The following ERBB4 variants were observed in gnomAD, a reference collection of about 807,000 sequenced individuals.
ERBB4 encodes the protein erb-b2 receptor tyrosine kinase 4, also known as receptor tyrosine-protein kinase erbB-4.
Under a neutral mutation model 158.0 loss-of-function variants are expected in ERBB4, and 42 were observed. The ratio of observed to expected loss-of-function variants is 0.27; its 90% confidence interval spans 0.21 to 0.34. The LOEUF is 0.34. ERBB4 is among the 10% of genes least tolerant of loss of function. The probability of loss-of-function intolerance (pLI) is 1.00; values close to 1 mark genes in which losing one functional copy is unlikely to be tolerated. For synonymous variants in ERBB4, 583 were observed against 558.7 expected, an observed-to-expected ratio of 1.04 and a Z score of -0.61; for missense variants, 1,333 against 1,624.1, an observed-to-expected ratio of 0.82 and a Z score of 3.08.
At chr2:211,439,943 A>C (rs2125450571) in intron 20 of ERBB4, among the ~76,000 whole-genome samples, 1 of 152,276 alleles carries the variant, frequency 6.6e-6, no homozygotes, top group East Asian at 1.9e-4. Flanking sequence ...CTTGCTCCTT[A>C]CATTTTCTTC....
chr2:212,365,070 CATTTA>C (rs959157445), intron 1 of ERBB4, among the ~76,000 whole-genome samples: 16 of 151,236 alleles, frequency 1.1e-4, no homozygotes, highest in African/African-American at 3.9e-4. Context: ...AATTTCTGGT[CATTTA>C]ATTTTTGAAA....
In ERBB4 at chr2:212,508,861, T is replaced by C. The variant is rs376629023; in HGVS notation, c.82+29588A>G. 1.4e-4 allele frequency among the ~76,000 whole-genome samples: 22 copies of C among 152,268 alleles called. No homozygotes were observed. In the East Asian group the frequency reaches 3.5e-3, roughly 24 times the overall value. ...TGACATTTTTCCACTATTGCTTTTATTGCATCTCCAAATTTCTTTGTCATT... is the reference window on the plus strand; with the variant it reads ...TGACATTTTTCCACTATTGCTTTTACTGCATCTCCAAATTTCTTTGTCATT... On this transcript the variant is annotated intron_variant, in intron 1 of 27. Transcript: ENST00000342788.
At chr2:211,879,652 A>T (rs2106144542) in intron 3 of ERBB4, among the ~76,000 whole-genome samples, 1 of 152,288 alleles carries the variant, frequency 6.6e-6, no homozygotes, top group Admixed American at 6.5e-5. Context: ...TTTAAGATTT[A>T]GCCTAATTAA....
intron 19 of ERBB4, among the ~76,000 whole-genome samples, chr2:211,566,862 T>C (rs2067565305): frequency 6.6e-6 from 1 of 152,182 alleles, no homozygotes; most frequent in East Asian, 1.9e-4. Flanking sequence ...TTTGTGTATA[T>C]GAAAGTCACC....
chr2:211,790,979 T>C (rs2076267831), intron 3 of ERBB4, among the ~76,000 whole-genome samples: 1 of 151,940 alleles, frequency 6.6e-6, no homozygotes, highest in African/African-American at 2.4e-5. Context: ...TAATGGCATT[T>C]ACATATATTC....
intron 3 of ERBB4, among the ~76,000 whole-genome samples, chr2:211,920,129 C>G (rs893243549): frequency 3.3e-5 from 5 of 152,054 alleles, no homozygotes; most frequent in African/African-American, 1.2e-4. Context: ...GACATAAGCA[C>G]TGTCATGAAA....
chr2:211,561,206 T>C (rs1332344251), intron 20 of ERBB4, among the ~76,000 whole-genome samples: 3 of 152,218 alleles, frequency 2.0e-5, no homozygotes, highest in Non-Finnish European at 4.4e-5. Flanking sequence ...GTTTCAAAAA[T>C]TGACTTAAGA....
At chr2:211,930,429 A>G (rs1169180988) in intron 3 of ERBB4, among the ~76,000 whole-genome samples, 1 of 152,210 alleles carries the variant, frequency 6.6e-6, no homozygotes, top group Non-Finnish European at 1.5e-5. Flanking sequence ...AATGCTACTA[A>G]GATACCTTTC....
chr2:212,527,270 A>C (rs2106331462), intron 1 of ERBB4, among the ~76,000 whole-genome samples: 1 of 152,230 alleles, frequency 6.6e-6, no homozygotes, highest in South Asian at 2.1e-4. Flanking sequence ...TATATAGTAC[A>C]TTATTTCATC....
At chr2:211,408,728 T>C (rs2125372125) in intron 25 of ERBB4, among the ~76,000 whole-genome samples, 1 of 152,326 alleles carries the variant, frequency 6.6e-6, no homozygotes, top group East Asian at 1.9e-4. Flanking sequence ...CTGACACTCG[T>C]CTGGTATTTG....
intron 18 of ERBB4, among the ~76,000 whole-genome samples, chr2:211,621,330 A>T (rs2069594305): frequency 6.6e-6 from 1 of 152,084 alleles, no homozygotes; most frequent in South Asian, 2.1e-4. Flanking sequence ...GAATATTTCT[A>T]ATTAGGAGAA....
intron 22 of ERBB4, 66 bp downstream of exon 22, chr2:211,428,342 T>C: frequency 1.1e-6 from 1 of 891,220 alleles, no homozygotes; most frequent in Non-Finnish European, 1.9e-6. Flanking sequence ...CTTAAGATAT[T>C]TCACATGAAC....
chr2:211,588,326 C>T (rs545059939), intron 19 of ERBB4, among the ~76,000 whole-genome samples: 3 of 151,718 alleles, frequency 2.0e-5, no homozygotes, highest in Admixed American at 6.6e-5. Context: ...TAGTTTGGGG[C>T]TATATAAATG....
At chr2:212,098,563 G>A (rs2078994909) in intron 2 of ERBB4, among the ~76,000 whole-genome samples, 1 of 152,098 alleles carries the variant, frequency 6.6e-6, no homozygotes, top group South Asian at 2.1e-4. Flanking sequence ...CAGGCAATTG[G>A]AAATGGCTTG....
chr2:211,763,628 C>T (rs945832371), intron 4 of ERBB4, among the ~76,000 whole-genome samples: 2 of 151,884 alleles, frequency 1.3e-5, no homozygotes, highest in African/African-American at 4.8e-5. Context: ...AATCTTACAG[C>T]CTTCCTTTTT....
intron 15 of ERBB4, among the ~76,000 whole-genome samples, chr2:211,664,482 T>C (rs1208399710): frequency 6.6e-6 from 1 of 152,156 alleles, no homozygotes; most frequent in Non-Finnish European, 1.5e-5. Flanking sequence ...AATTACAAAT[T>C]ATTCACCTTC....
intron 1 of ERBB4, among the ~76,000 whole-genome samples, chr2:212,531,909 G>A (rs1692776811): frequency 6.6e-6 from 1 of 152,014 alleles, no homozygotes; most frequent in Non-Finnish European, 1.5e-5. Context: ...CTCCTCATGT[G>A]CCATAACTTA....
chr2:212,263,749 C>A (rs952223631), intron 1 of ERBB4, among the ~76,000 whole-genome samples: 14 of 151,706 alleles, frequency 9.2e-5, no homozygotes, highest in African/African-American at 3.4e-4. Flanking sequence ...TGTTAATAAC[C>A]CATCCTAGGG....
At chr2:211,605,911 C>A (rs2068963126) in intron 19 of ERBB4, among the ~76,000 whole-genome samples, 2 of 152,020 alleles carry the variant, frequency 1.3e-5, no homozygotes, top group Admixed American at 6.6e-5. Context: ...AGACCAAGAT[C>A]TTTTATATCA....
Sources: gnomAD v4.1 joint callset for allele counts (sites outside exome capture counted in the v4.1 genomes callset) on GRCh38, gnomAD v4.1.1 for gene constraint, MANE v1.5 for transcripts, NCBI Gene and HGNC (gene_info 2026-07-23, HGNC 2026-07-21) for gene names.